Variants in LENG1 observed in about 807,000 individuals in gnomAD.
LENG1 encodes leukocyte receptor cluster member 1, also known as leukocyte receptor cluster (LRC) member 1.
A neutral mutation model predicts 28.8 loss-of-function variants in LENG1; 35 were observed. The observed-to-expected ratio is 1.22, with a 90% CI of 0.93 to 1.61. The LOEUF (loss-of-function observed/expected upper bound fraction) is 1.61. Among genes scored for constraint, LENG1 ranks in the 40% most tolerant of loss-of-function variants. The pLI is 0.00. For missense variants in LENG1, 404 were observed against 348.9 expected (o/e 1.16, Z -1.26); for synonymous variants, 170 against 140.6 (o/e 1.21, Z -1.48).
At position 54,156,990 on chromosome 19, in the gene LENG1, G is replaced by T; in HGVS notation, c.348C>A (p.Tyr116Ter). 6.3e-7 allele frequency: 1 copy of T among 1,576,708 alleles called. No individual in the cohort carries two copies. The highest frequency in any genetic ancestry group is 8.6e-7 in the Non-Finnish European group (1 of 1,159,754). ...GTGCCTCCGCTGCACTCTGGCCCAG[G>T]TATGTCAGGATGCCCAGAGCTTTCT... The part of the protein sequence containing the change: ...RQEKALGILT[Y>*]LGQSAAEAQT... The change falls in exon 3 of 4, where the codon TAC (tyrosine) becomes TAA (stop). Residue 116 changes from tyrosine (Y) to a stop codon, truncating the protein, a stop_gained. Transcript: ENST00000222224. LOFTEE classifies it high-confidence loss of function.
In LENG1 at chr19:54,156,811, C is replaced by G. The variant is rs2075396914; in HGVS notation, c.527G>C (p.Ser176Thr). 1.2e-6 allele frequency: 2 copies of G among 1,613,810 alleles called. No homozygotes were observed. The highest frequency in any genetic ancestry group is 2.7e-5 in the African/African-American group (2 of 74,938). Residue 176 changes from serine (S) to threonine (T), a missense_variant, in exon 3 of 4, where the codon AGT becomes ACT. Transcript: ENST00000222224. ...CCCCTCCTTTTCCTTTCTGCTGCGA[C>G]TGCCTTCATCACCGCCGTGCTGTCT... ...KKRQHGGDEG[S>T]RSRKEKEGSE...
At position 54,155,585 on chromosome 19, in the gene LENG1, C is replaced by T. The variant is rs1436010521; in HGVS notation, c.*136G>A. On this transcript the variant is annotated 3_prime_UTR_variant, in exon 4 of 4. Transcript: ENST00000222224. The stretch of plus-strand genomic sequence containing the variant: ...CAGCCCCACCCTGGGGGCCCGGGGG[C>T]GAGGGCTGCCCCCTCCTCCCCTCCC... 23 of 1,034,654 alleles carry T rather than the reference C, an allele frequency of 2.2e-5. No homozygotes were observed. The Admixed American group carries it at 3.5e-4, about 16-fold the overall frequency. 64.1% of individuals were successfully genotyped at this position (1,034,654 alleles called of 1,614,324 possible). A position where few individuals can be genotyped will look rare whatever the true frequency, so the allele number is the denominator to read the frequency against.
intron 1 of LENG1, 71 bp downstream of exon 1, chr19:54,159,493 G>A: frequency 7.0e-7 from 1 of 1,435,080 alleles, no homozygotes; most frequent in African/African-American, 1.4e-5. Context: ...CAACGCCTCC[G>A]CTTCCGGCCC....
chr19:54,159,219 T>C (rs2075453092), intron 1 of LENG1, among the ~76,000 whole-genome samples: 1 of 152,248 alleles, frequency 6.6e-6, no homozygotes, highest in Non-Finnish European at 1.5e-5. Flanking sequence ...AGATGCTCAA[T>C]AAATAGGCTG....
Position 54,159,509 on chromosome 19 carries a change from C to G in LENG1, c.132+55G>C, listed in dbSNP as rs1189592334. On this transcript the variant is annotated intron_variant, in intron 1 of 3. Transcript: ENST00000222224. ...AACGCCTCCGCTTCCGGCCCCCAACCGCGGCGCCTGCGCGCTGGGCCCCGG... is the reference window on the plus strand; with the variant it reads ...AACGCCTCCGCTTCCGGCCCCCAACGGCGGCGCCTGCGCGCTGGGCCCCGG... 2.7e-6 allele frequency: 4 copies of G among 1,466,696 alleles called. No homozygotes were observed. In the African/African-American group the frequency reaches 5.7e-5, roughly 21 times the overall value. 90.9% of individuals were successfully genotyped at this position (1,466,696 alleles called of 1,614,324 possible).
At chr19:54,158,225 C>T (rs2075430824) in intron 2 of LENG1, 57 bp downstream of exon 2, 5 of 1,502,130 alleles carry the variant, frequency 3.3e-6, no homozygotes, top group Non-Finnish European at 4.6e-6. Flanking sequence ...GCTAAAGTGC[C>T]CCCTCCCTCC....
chr19:54,158,537 G>A (rs2075439377), intron 1 of LENG1, 76 bp from the exon 2 acceptor site: 10 of 1,398,560 alleles, frequency 7.2e-6, no homozygotes, highest in African/African-American at 1.4e-5. Flanking sequence ...GCCCACCACA[G>A]AAAATGGCAG....
chr19:54,155,783 A>G lies in LENG1; in HGVS notation c.733T>C (p.Ser245Pro). 2 of 1,610,386 alleles carry G rather than the reference A, an allele frequency of 1.2e-6. No homozygotes were observed. The highest frequency in any genetic ancestry group is 1.7e-6 in the Non-Finnish European group (2 of 1,179,414). The stretch of plus-strand genomic sequence containing the variant: ...CGGGCCAGCTGGGGGTTGAATTGGG[A>G]GTTGTACCGCCGCCGCCGGTCATCC... ...ETDDRRRRYN[S>P]QFNPQLARRP... Residue 245 changes from serine to proline, a missense_variant, in exon 4 of 4, where the codon TCC becomes CCC. By Grantham distance (74) the Ser-to-Pro change is moderately conservative. Coordinates refer to ENST00000222224, the MANE Select transcript of LENG1 (RefSeq NM_024316.3).
At position 54,158,452 on chromosome 19, in the gene LENG1, C is replaced by G; in HGVS notation, c.142G>C (p.Glu48Gln). The G allele has an allele frequency of 1.2e-6, 2 of 1,613,954 alleles. No homozygotes were observed. Among genetic ancestry groups the G allele is most frequent in the Non-Finnish European group, 1.7e-6 (2 of 1,179,878 alleles). ...VLLAQQEART[E>Q]FLRKKARHQN... is the part of the protein sequence containing the mutation. ...TGTCTGGCTTTCTTCCGTAGGAATT[C>G]TGTACGGGCCTGGGGAGAAAGTTAT... Residue 48 changes from glutamate (E) to glutamine (Q), a missense_variant, in exon 2 of 4, where the codon GAA becomes CAA. Transcript: ENST00000222224.
rs1338018523 is a variant in LENG1, at chr19:54,156,812, T to C, written c.526A>G (p.Ser176Gly). The change falls in exon 3 of 4, where the codon AGT (serine) becomes GGT (glycine). Residue 176 changes from serine to glycine, a missense_variant. Transcript: ENST00000222224. The part of the protein sequence containing the change: ...KKRQHGGDEG[S>G]RSRKEKEGSE... The stretch of plus-strand genomic sequence containing the variant: ...CCCTCCTTTTCCTTTCTGCTGCGAC[T>C]GCCTTCATCACCGCCGTGCTGTCTC... The C allele has an allele frequency of 6.2e-7, 1 of 1,611,762 alleles. No individual in the cohort carries two copies. The highest frequency in any genetic ancestry group is 1.3e-5 in the African/African-American group (1 of 74,770).
At position 54,157,095 on chromosome 19, in the gene LENG1, A is replaced by T. The variant is rs942389317; in HGVS notation, c.313-70T>A. 21 of 1,276,166 alleles carry T rather than the reference A, an allele frequency of 1.6e-5. No homozygotes were observed. The Middle Eastern group carries it at 6.7e-4, about 41-fold the overall frequency. 79.1% of individuals were successfully genotyped at this position (1,276,166 alleles called of 1,614,324 possible). A position where few individuals can be genotyped will look rare whatever the true frequency, so the allele number is the denominator to read the frequency against. On this transcript the variant is annotated intron_variant, in intron 2 of 3. Coordinates refer to ENST00000222224, the MANE Select transcript of LENG1 (RefSeq NM_024316.3). ...GGTGTCAGGTGTGTCTCCCTGACAC[A>T]GGTATCTAAGCGAACAGGTATCTAA...
intron 3 of LENG1, 115 bp from the exon 4 acceptor site, chr19:54,156,055 G>C (rs2075379496): frequency 1.1e-6 from 1 of 915,746 alleles, no homozygotes; most frequent in Admixed American, 2.6e-5. Flanking sequence ...GCACACCCCA[G>C]CCTCAGCTCC....
At position 54,156,928 on chromosome 19, in the gene LENG1, C is replaced by T. The variant is rs201111924; in HGVS notation, c.410G>A (p.Arg137Gln). Residue 137 changes from arginine (R) to glutamine (Q), a missense_variant, in exon 3 of 4, where the codon CGA (arginine) becomes CAA (glutamine). Transcript: ENST00000222224. ...GGCTGGGCCGGGCGGGGGGCCCCCT[C>T]GCCCTGGGGGTAGCTGGTACCAAGG... Reference protein sequence around the residue: ...QPPWYQLPPGRGGPPPGPAPD... With the variant: ...QPPWYQLPPGQGGPPPGPAPD... The T allele has an allele frequency of 6.0e-5, 97 of 1,613,010 alleles. No individual in the cohort carries two copies. The highest frequency in any genetic ancestry group is 5.0e-4 in the Middle Eastern group (3 of 6,048).
Position 54,156,920 on chromosome 19 carries a change from G to T in LENG1, c.418C>A (p.Pro140Thr). The T allele has an allele frequency of 6.2e-7, 1 of 1,612,932 alleles. No homozygotes were observed. ...TCATCTGGGGCTGGGCCGGGCGGGG[G>T]GCCCCCTCGCCCTGGGGGTAGCTGG... ...WYQLPPGRGGPPPGPAPDEKI... is the reference protein window; with the variant it reads ...WYQLPPGRGGTPPGPAPDEKI... The change falls in exon 3 of 4, where the codon CCC (proline) becomes ACC (threonine). Residue 140 changes from proline (P) to threonine (T), a missense_variant. Coordinates refer to ENST00000222224, the MANE Select transcript of LENG1 (RefSeq NM_024316.3).
At position 54,157,378 on chromosome 19, in the gene LENG1, C is replaced by T. The variant is rs188129929; in HGVS notation, c.313-353G>A. Among the ~76,000 whole-genome samples, 13 of 152,122 alleles carry T rather than the reference C, an allele frequency of 8.5e-5. 1 individual carries two copies. In the East Asian group the frequency reaches 2.5e-3, roughly 29 times the overall value. ...ATAAATGACAAGAGCTGATGTACCTCTTTTTTTTGAGATGGAGTCTCGCTC... is the reference window on the plus strand; with the variant it reads ...ATAAATGACAAGAGCTGATGTACCTTTTTTTTTTGAGATGGAGTCTCGCTC... On this transcript the variant is annotated intron_variant, in intron 2 of 3. Transcript: ENST00000222224.
chr19:54,156,035 G>A (rs1439783478), intron 3 of LENG1, 95 bp from the exon 4 acceptor site: 15 of 1,085,996 alleles, frequency 1.4e-5, no homozygotes, highest in East Asian at 5.2e-5. Flanking sequence ...TGGAAGCCCC[G>A]CTGCATCCAG....
In LENG1 at chr19:54,155,841, T is replaced by C. The variant is rs756974161; in HGVS notation, c.675A>G (p.Ala225=). The C allele has an allele frequency of 1.2e-6, 2 of 1,612,710 alleles. No homozygotes were observed. The highest frequency in any genetic ancestry group is 3.3e-5 in the Admixed American group (2 of 59,936). The change falls in exon 4 of 4, where the codon GCA becomes GCG. Residue 225 remains alanine (A), a synonymous_variant. Transcript: ENST00000222224. ...CTTCTTCCGGCTGACCCTCCTGTAG[T>C]GCCCGGCCTTGGACCCGGGCCAGCA... ...EALLARVQGR[A]LQEGQPEEDE...
chr19:54,158,559 G>A lies in LENG1; in HGVS notation c.133-98C>T, dbSNP rs2075439865. The A allele has an allele frequency of 4.2e-6, 5 of 1,190,148 alleles. No individual in the cohort carries two copies. In the Admixed American group the frequency reaches 8.8e-5, roughly 21 times the overall value. The allele number at this position is 1,190,148 out of a possible 1,614,324, so 73.7% of individuals were successfully genotyped here. On this transcript the variant is annotated intron_variant, in intron 1 of 3. Transcript: ENST00000222224. ...ACAGAAAATGGCAGTCCAGGGTGCT[G>A]GGGTTATGAGAAAGGGAGCACTAGG...
chr19:54,155,761 G>A lies in LENG1; in HGVS notation c.755C>T (p.Ala252Val). Residue 252 changes from alanine (A) to valine (V), a missense_variant, in exon 4 of 4, where the codon GCC becomes GTC. By Grantham distance (64) the Ala-to-Val change is moderately conservative. Coordinates refer to ENST00000222224, the MANE Select transcript of LENG1 (RefSeq NM_024316.3). ...RYNSQFNPQL[A>V]RRPRQQDPHL... Reference sequence around the variant, plus strand: ...AGGGTCCTGCTGGCGGGGGCGCCGGGCCAGCTGGGGGTTGAATTGGGAGTT... The same window carrying A: ...AGGGTCCTGCTGGCGGGGGCGCCGGACCAGCTGGGGGTTGAATTGGGAGTT... The A allele has an allele frequency of 1.2e-6, 2 of 1,610,388 alleles. No individual in the cohort carries two copies.
Sources: allele counts gnomAD v4.1 joint callset (sites outside exome capture counted in the v4.1 genomes callset), GRCh38; gene constraint gnomAD v4.1.1; transcripts MANE v1.5; gene names NCBI Gene and HGNC (gene_info 2026-07-23, HGNC 2026-07-21).